The following FMN2 variants were observed in gnomAD, a reference collection of about 807,000 sequenced individuals.
FMN2 encodes formin-2.
FMN2 carries 51 observed loss-of-function variants against 142.3 expected under a neutral mutation model. The ratio of observed to expected loss-of-function variants is 0.36; its 90% CI spans 0.29 to 0.45. The LOEUF is 0.45. FMN2 is among the 20% of genes least tolerant of loss of function. The pLI is 1.00. For missense variants in FMN2, 1,936 were observed against 2,122.8 expected (o/e 0.91, Z 1.73); for synonymous variants, 882 against 869.8 (o/e 1.01, Z -0.25).
chr1:240,294,924 G>A, intron 8 of FMN2, 41 bp downstream of exon 8: 1 of 1,524,830 alleles, frequency 6.6e-7, no homozygotes, highest in Non-Finnish European at 9.1e-7. Flanking sequence ...TATATAATAT[G>A]TACACAGTAC....
intron 15 of FMN2, among the ~76,000 whole-genome samples, chr1:240,422,626 G>C (rs1674811477): frequency 6.6e-6 from 1 of 152,144 alleles, no homozygotes; most frequent in South Asian, 2.1e-4. Context: ...TTGTGTATTA[G>C]CTCCGGGAGT....
chr1:240,470,950 C>G (rs1448567428), intron 16 of FMN2, among the ~76,000 whole-genome samples: 1 of 151,900 alleles, frequency 6.6e-6, no homozygotes, highest in Non-Finnish European at 1.5e-5. Flanking sequence ...AATTTTACTC[C>G]GTCTTTGCAA....
intron 16 of FMN2, chr1:240,458,404 C>T (rs753638003): frequency 2.0e-5 from 3 of 152,120 alleles, no homozygotes; most frequent in Non-Finnish European, 2.9e-5. Context: ...TGCATAAACT[C>T]TCTATAAAGT....
At chr1:240,328,147 C>CAAAAAAAAAAAAAAAAAAA (rs780595882) in intron 8 of FMN2, among the ~76,000 whole-genome samples, 74 of 51,424 alleles carry the variant, frequency 1.4e-3, no homozygotes, top group Middle Eastern at 0.021. Flanking sequence ...GACCCCATCT[C>CAAAAAAAAAAAAAAAAAAA]AAAAAAAAAA....
At chr1:240,370,746 G>T (rs1558457847) in intron 14 of FMN2, among the ~76,000 whole-genome samples, 1 of 151,938 alleles carries the variant, frequency 6.6e-6, no homozygotes, top group Non-Finnish European at 1.5e-5. Context: ...TTCCTAACAG[G>T]TCTCACTTTT....
At chr1:240,387,968 G>A (rs1337484044) in intron 14 of FMN2, among the ~76,000 whole-genome samples, 1 of 151,888 alleles carries the variant, frequency 6.6e-6, no homozygotes, top group African/African-American at 2.4e-5. Context: ...ACGAGGTCAG[G>A]AGATCGAGAC....
intron 15 of FMN2, among the ~76,000 whole-genome samples, chr1:240,436,997 C>G (rs561207549): frequency 6.6e-6 from 1 of 152,174 alleles, no homozygotes; most frequent in African/African-American, 2.4e-5. Context: ...AACCAGTTCT[C>G]TTGCCACGCG....
At chr1:240,148,766 G>A (rs34558327) in intron 2 of FMN2, among the ~76,000 whole-genome samples, 13,464 of 152,040 alleles carry the variant, frequency 0.089, 748 homozygotes, top group African/African-American at 0.16. Flanking sequence ...GGATCACGAG[G>A]TCAGGAGATC....
At chr1:240,365,507 T>G (rs192238319) in intron 14 of FMN2, among the ~76,000 whole-genome samples, 1 of 152,274 alleles carries the variant, frequency 6.6e-6, no homozygotes. Flanking sequence ...CAACATAAAA[T>G]TTTGTACTAT....
rs757282189 is a variant in FMN2, at chr1:240,205,321, C to G, written c.1987-1478C>G. Reference sequence around the variant, plus strand: ...AGCAGTAATTAAAGTACGATTGACACTGCAGTTTCCACAAAAGTGGGAGTT... The same window carrying G: ...AGCAGTAATTAAAGTACGATTGACAGTGCAGTTTCCACAAAAGTGGGAGTT... On this transcript the variant is annotated intron_variant, in intron 4 of 17. Transcript: ENST00000319653. 3.3e-5 allele frequency among the ~76,000 whole-genome samples: 5 copies of G among 152,172 alleles called. No individual in the cohort carries two copies. In the South Asian group the frequency reaches 1.0e-3, roughly 31 times the overall value.
chr1:240,107,577 G>C (rs1661660452), intron 1 of FMN2, among the ~76,000 whole-genome samples: 1 of 151,828 alleles, frequency 6.6e-6, no homozygotes, highest in South Asian at 2.1e-4. Context: ...AAAATACCAG[G>C]AAATTCATAA....
chr1:240,380,416 C>CAA (rs1382061338), intron 14 of FMN2, among the ~76,000 whole-genome samples: 1 of 151,982 alleles, frequency 6.6e-6, no homozygotes, highest in Non-Finnish European at 1.5e-5. Flanking sequence ...AGGTAGAAAT[C>CAA]AAAAGGTTTT....
At chr1:240,156,444 T>C (rs1443340255) in intron 2 of FMN2, among the ~76,000 whole-genome samples, 4 of 152,224 alleles carry the variant, frequency 2.6e-5, no homozygotes, top group African/African-American at 9.6e-5. Context: ...GCATTTCCTT[T>C]TAATTCATCC....
At chr1:240,214,476 G>A (rs575798204) in intron 6 of FMN2, among the ~76,000 whole-genome samples, 18 of 151,018 alleles carry the variant, frequency 1.2e-4, no homozygotes, top group Admixed American at 7.9e-4. Context: ...GCGTGAACCC[G>A]GGAAGCAGAG....
At chr1:240,370,623 C>T (rs976134410) in intron 14 of FMN2, among the ~76,000 whole-genome samples, 5 of 152,094 alleles carry the variant, frequency 3.3e-5, no homozygotes, top group African/African-American at 9.7e-5. Flanking sequence ...CTTTCCTTAC[C>T]TCATCGTTGT....
intron 8 of FMN2, among the ~76,000 whole-genome samples, chr1:240,317,696 G>A (rs990938512): frequency 4.0e-5 from 6 of 149,728 alleles, no homozygotes; most frequent in Admixed American, 1.3e-4. Context: ...ACACAAAACT[G>A]TTATGAACAT....
intron 2 of FMN2, among the ~76,000 whole-genome samples, chr1:240,169,579 G>A (rs1356051024): frequency 3.3e-5 from 5 of 152,032 alleles, no homozygotes; most frequent in African/African-American, 7.2e-5. Flanking sequence ...CATTCCTTCC[G>A]CCTCAGCCTC....
At chr1:240,453,958 C>G (rs1264350179) in intron 16 of FMN2, among the ~76,000 whole-genome samples, 1 of 9,780 alleles carries the variant, frequency 1.0e-4, no homozygotes, top group South Asian at 2.1e-3. Context: ...CACTGCAGTC[C>G]GCAGTCCGGC....
intron 8 of FMN2, among the ~76,000 whole-genome samples, chr1:240,325,995 G>T (rs535893817): frequency 6.2e-4 from 94 of 152,038 alleles, no homozygotes; most frequent in South Asian, 1.9e-3. Flanking sequence ...CAATGAAAAT[G>T]TTGTGACCCC....
Sources: allele counts gnomAD v4.1 joint callset (sites outside exome capture counted in the v4.1 genomes callset), GRCh38; gene constraint gnomAD v4.1.1; transcripts MANE v1.5; gene names NCBI Gene and HGNC (gene_info 2026-07-23, HGNC 2026-07-21).